The following PRORP variants were observed in gnomAD, a reference collection of about 807,000 sequenced individuals.
PRORP encodes mitochondrial ribonuclease P catalytic subunit.
Under a neutral mutation model 59.4 loss-of-function variants are expected in PRORP, and 51 were observed. The ratio of observed to expected loss-of-function variants is 0.86; its 90% CI spans 0.69 to 1.08. PRORP has a LOEUF of 1.08. Ranked by LOEUF, PRORP falls within the 50% of genes least tolerant of loss-of-function variation. PRORP has a pLI of 0.00. For synonymous variants in PRORP, 231 were observed against 245.6 expected, an observed-to-expected ratio of 0.94 and a Z score of 0.55; for missense variants, 646 against 690.3, an observed-to-expected ratio of 0.94 and a Z score of 0.72.
At chr14:35,128,510 C>T (rs184210474) in intron 4 of PRORP, among the ~76,000 whole-genome samples, 15 of 152,004 alleles carry the variant, frequency 9.9e-5, no homozygotes, top group Middle Eastern at 3.4e-3. Flanking sequence ...GCTTCGATCT[C>T]GTTACTTGTT....
chr14:35,241,377 C>CAA (rs532766908), intron 5 of PRORP, among the ~76,000 whole-genome samples: 16 of 139,274 alleles, frequency 1.1e-4, no homozygotes, highest in African/African-American at 3.7e-4. Context: ...GACTCCGTCT[C>CAA]AAAAAAAAAA....
In PRORP at chr14:35,210,664, A is replaced by G. The variant is rs78790055; in HGVS notation, c.1275+29887A>G. Among the ~76,000 whole-genome samples the G allele has an allele frequency of 2.4e-3, 365 of 150,594 alleles. 5 individuals are homozygous for G. The highest frequency in any genetic ancestry group is 8.7e-3 in the African/African-American group (355 of 40,904). On this transcript the variant is annotated intron_variant, in intron 5 of 7. Coordinates refer to ENST00000534898, the MANE Select transcript of PRORP (RefSeq NM_014672.4). The stretch of plus-strand genomic sequence containing the variant: ...CTAAGTCACCAAATTTAGATACTAG[A>G]TAAATAAATTAATTTAGATATCGGG...
chr14:35,262,582 A>G (rs2050933071), intron 5 of PRORP: 1 of 713,772 alleles, frequency 1.4e-6, no homozygotes. Context: ...CAATCACATC[A>G]GTGTAGATTC....
chr14:35,223,717 C>T (rs905919315), intron 5 of PRORP, among the ~76,000 whole-genome samples: 5 of 152,246 alleles, frequency 3.3e-5, no homozygotes, highest in African/African-American at 1.2e-4. Context: ...CCTCAGCCTC[C>T]CAAAGTGCTG....
chr14:35,231,435 A>AT (rs958773021), intron 5 of PRORP, among the ~76,000 whole-genome samples: 40 of 151,648 alleles, frequency 2.6e-4, no homozygotes, highest in Non-Finnish European at 3.7e-4. Context: ...CCAACTATAG[A>AT]TTTTTTTTTA....
At chr14:35,246,358 G>A (rs2050484123) in intron 5 of PRORP, among the ~76,000 whole-genome samples, 1 of 152,102 alleles carries the variant, frequency 6.6e-6, no homozygotes, top group Non-Finnish European at 1.5e-5. Flanking sequence ...TCCTACCCCA[G>A]CAAAAGCAAT....
chr14:35,132,164 G>T (rs1249923369), intron 4 of PRORP, among the ~76,000 whole-genome samples: 1 of 151,498 alleles, frequency 6.6e-6, no homozygotes, highest in African/African-American at 2.4e-5. Context: ...TCCGTTGAAG[G>T]TTGGATTATT....
chr14:35,141,499 T>C (rs1373568118), intron 4 of PRORP, among the ~76,000 whole-genome samples: 1 of 144,590 alleles, frequency 6.9e-6, no homozygotes, highest in Non-Finnish European at 1.5e-5. Flanking sequence ...AACTCCTGGC[T>C]TCTAGTGGTC....
intron 4 of PRORP, among the ~76,000 whole-genome samples, chr14:35,150,484 A>T (rs568702153): frequency 1.0e-3 from 159 of 152,364 alleles, no homozygotes; most frequent in East Asian, 1.3e-3. Flanking sequence ...TAAAGCTTCT[A>T]GAAAAATCAA....
intron 2 of PRORP, among the ~76,000 whole-genome samples, chr14:35,125,162 A>C (rs575490601): frequency 1.3e-5 from 2 of 152,094 alleles, no homozygotes; most frequent in African/African-American, 2.4e-5. Flanking sequence ...CGTCCGGCCT[A>C]TTCTGTCTAC....
chr14:35,182,131 T>C (rs1054926353), intron 5 of PRORP, among the ~76,000 whole-genome samples: 1 of 151,050 alleles, frequency 6.6e-6, no homozygotes, highest in Non-Finnish European at 1.5e-5. Flanking sequence ...CCGGGCATGA[T>C]GGCGCACACC....
intron 4 of PRORP, among the ~76,000 whole-genome samples, chr14:35,141,004 G>A (rs2047468811): frequency 1.4e-5 from 2 of 145,870 alleles, no homozygotes; most frequent in African/African-American, 4.9e-5. Flanking sequence ...TAAACTGAAA[G>A]ATATCTGTCA....
At chr14:35,250,381 T>C (rs1267571668) in intron 5 of PRORP, among the ~76,000 whole-genome samples, 1 of 152,226 alleles carries the variant, frequency 6.6e-6, no homozygotes, top group Non-Finnish European at 1.5e-5. Flanking sequence ...AGACTCCCCT[T>C]CTACATCAGG....
At chr14:35,216,054 A>G (rs563618356) in intron 5 of PRORP, among the ~76,000 whole-genome samples, 2 of 121,762 alleles carry the variant, frequency 1.6e-5, no homozygotes, top group South Asian at 5.1e-4. Context: ...GGCATGAGCC[A>G]CCGCACCCAA....
At chr14:35,245,705 A>G (rs1021642446) in intron 5 of PRORP, among the ~76,000 whole-genome samples, 3 of 152,174 alleles carry the variant, frequency 2.0e-5, no homozygotes, top group Non-Finnish European at 4.4e-5. Flanking sequence ...CAATGTGGCT[A>G]TCTCTTGAGT....
At chr14:35,191,114 A>T (rs2048872657) in intron 5 of PRORP, among the ~76,000 whole-genome samples, 1 of 152,142 alleles carries the variant, frequency 6.6e-6, no homozygotes, top group South Asian at 2.1e-4. Context: ...CCCAAATCTC[A>T]TCTTGAATTG....
intron 5 of PRORP, among the ~76,000 whole-genome samples, chr14:35,239,125 G>C (rs1010827321): frequency 5.9e-5 from 9 of 152,012 alleles, no homozygotes; most frequent in Non-Finnish European, 1.2e-4. Flanking sequence ...AGGAGGCGAG[G>C]CGGGCGGATC....
intron 5 of PRORP, among the ~76,000 whole-genome samples, chr14:35,191,710 A>C (rs564309295): frequency 6.6e-6 from 1 of 152,144 alleles, no homozygotes; most frequent in Non-Finnish European, 1.5e-5. Flanking sequence ...AACCAAAACC[A>C]AACCAAAACA....
chr14:35,202,094 C>A (rs959989888), intron 5 of PRORP, among the ~76,000 whole-genome samples: 22 of 151,624 alleles, frequency 1.5e-4, no homozygotes, highest in African/African-American at 5.1e-4. Context: ...CTCAGCCTCC[C>A]GAGTAGCTGG....
Sources: gnomAD v4.1 joint callset for allele counts (sites outside exome capture counted in the v4.1 genomes callset) on GRCh38, gnomAD v4.1.1 for gene constraint, MANE v1.5 for transcripts, NCBI Gene and HGNC (gene_info 2026-07-23, HGNC 2026-07-21) for gene names.